Variants in RUFY1 observed in about 807,000 individuals in gnomAD.
The protein encoded by RUFY1 is RUN and FYVE domain-containing protein 1.
A neutral mutation model predicts 94.6 loss-of-function variants in RUFY1; 54 were observed. The observed-to-expected ratio is 0.57, with a 90% CI of 0.46 to 0.72. RUFY1 has a LOEUF of 0.72. RUFY1 is among the 30% of genes least tolerant of loss of function. The pLI, the probability that RUFY1 is intolerant of heterozygous loss-of-function variation, is 0.00. For missense variants in RUFY1, 883 were observed against 883.9 expected (o/e 1.00, Z 0.01); for synonymous variants, 396 against 347.3 (o/e 1.14, Z -1.56).
chr5:179,573,990 A>T (rs1763423211), intron 5 of RUFY1, among the ~76,000 whole-genome samples: 2 of 152,162 alleles, frequency 1.3e-5, no homozygotes, highest in Admixed American at 6.6e-5. Context: ...TGATCATTGT[A>T]AACCCTGGAT....
chr5:179,592,495 A>C lies in RUFY1; in HGVS notation c.1245+754A>C, dbSNP rs556701662. ...TCTTGAACTCCTGACCTCGTGATCC[A>C]CCTGCCTCGGCATCCCAAAGTGCTG... On this transcript the variant is annotated intron_variant, in intron 10 of 17. Coordinates refer to ENST00000319449, the MANE Select transcript of RUFY1 (RefSeq NM_025158.5). Among the ~76,000 whole-genome samples the C allele has an allele frequency of 3.9e-3, 584 of 151,672 alleles. 6 individuals carry two copies. The highest frequency in any genetic ancestry group is 0.013 in the African/African-American group (557 of 41,316).
chr5:179,585,870 G>A lies in RUFY1; in HGVS notation c.1026+5G>A, dbSNP rs1213483304. ...AACTCAAAGCTTCAAGAAGAGGTTT[G>A]TAAGTTTTATTGAAATTTTTAGACA... On this transcript the variant is annotated splice_donor_5th_base_variant and intron_variant, in intron 8 of 17. Coordinates refer to ENST00000319449, the MANE Select transcript of RUFY1 (RefSeq NM_025158.5). 6.2e-7 allele frequency: 1 copy of A among 1,611,134 alleles called. No individual in the cohort carries two copies. The highest frequency in any genetic ancestry group is 1.1e-5 in the South Asian group (1 of 91,022).
intron 7 of RUFY1, among the ~76,000 whole-genome samples, chr5:179,584,007 C>G (rs544707348): frequency 6.6e-6 from 1 of 152,154 alleles, no homozygotes; most frequent in African/African-American, 2.4e-5. Context: ...CTCGGCCTCC[C>G]AAAGTGCTGG....
chr5:179,576,710 C>T (rs1312060093), intron 5 of RUFY1, among the ~76,000 whole-genome samples: 1 of 152,142 alleles, frequency 6.6e-6, no homozygotes, highest in Non-Finnish European at 1.5e-5. Context: ...CGTGAGCCAC[C>T]ACGCCTGGCC....
chr5:179,608,557 C>G, intron 17 of RUFY1: 3 of 985,476 alleles, frequency 3.0e-6, no homozygotes, highest in Non-Finnish European at 3.6e-6. Flanking sequence ...GAGAACGAAC[C>G]AGACTCTTCC....
intron 14 of RUFY1, 68 bp from the exon 15 acceptor site, chr5:179,601,817 CAAAAAAA>C (rs56169514): frequency 1.3e-3 from 694 of 519,258 alleles, no homozygotes; most frequent in Middle Eastern, 3.3e-3. Flanking sequence ...GACCCTGTCT[CAAAAAAA>C]AAAAAAAAAA....
chr5:179,558,572 C>CAA (rs10664309), intron 1 of RUFY1, among the ~76,000 whole-genome samples: 32,677 of 136,866 alleles, frequency 0.24, 4,463 homozygotes, highest in East Asian at 0.64. Context: ...AACAACATCT[C>CAA]AAAAAAAAAA....
intron 5 of RUFY1, chr5:179,572,351 G>A (rs566041811): frequency 4.6e-5 from 9 of 195,874 alleles, no homozygotes; most frequent in Admixed American, 3.8e-4. Context: ...GAGGATTTCC[G>A]CAAGCTGGGC....
chr5:179,581,548 G>A (rs1383726572), intron 7 of RUFY1, among the ~76,000 whole-genome samples: 1 of 149,860 alleles, frequency 6.7e-6, no homozygotes, highest in African/African-American at 2.5e-5. Context: ...CCCTTTCTGA[G>A]TCCCCTCTAG....
intron 15 of RUFY1, 138 bp downstream of exon 15, chr5:179,602,124 C>A: frequency 2.9e-6 from 2 of 681,236 alleles, no homozygotes; most frequent in Middle Eastern, 4.2e-4. Flanking sequence ...CACGGATGAG[C>A]TCTCAGGAAG....
intron 7 of RUFY1, among the ~76,000 whole-genome samples, chr5:179,582,038 G>T (rs924346732): frequency 6.6e-6 from 1 of 151,902 alleles, no homozygotes; most frequent in Non-Finnish European, 1.5e-5. Context: ...TTTTTTGGTC[G>T]ATTACTAGTT....
At chr5:179,571,002 C>G (rs73809474) in intron 5 of RUFY1, among the ~76,000 whole-genome samples, 3 of 152,052 alleles carry the variant, frequency 2.0e-5, no homozygotes, top group Non-Finnish European at 4.4e-5. Context: ...GTGAGATGTT[C>G]GAAGGGTTTC....
intron 6 of RUFY1, among the ~76,000 whole-genome samples, chr5:179,580,477 C>T (rs1316236686): frequency 6.6e-6 from 1 of 151,358 alleles, no homozygotes; most frequent in Non-Finnish European, 1.5e-5. Context: ...CTCCTGACCT[C>T]GTGATCTGCC....
At chr5:179,607,756 A>C in intron 17 of RUFY1, 97 bp downstream of exon 17, 44 of 1,056,758 alleles carry the variant, frequency 4.2e-5, no homozygotes, top group Non-Finnish European at 6.2e-5. Context: ...GAGCAGGCTC[A>C]CTGCCCGGTG....
Position 179,593,621 on chromosome 5 carries a change from T to C in RUFY1, c.1389T>C (p.Asn463=), listed in dbSNP as rs4701135. The C allele has an allele frequency of 0.1, 165,262 of 1,613,782 alleles. 8,869 individuals carry two copies. Among genetic ancestry groups the C allele is most frequent in the Middle Eastern group, 0.13 (797 of 6,062 alleles). The change falls in exon 11 of 18, where the codon AAT becomes AAC. Residue 463 remains asparagine (N), a synonymous_variant. Coordinates refer to ENST00000319449, the MANE Select transcript of RUFY1 (RefSeq NM_025158.5). ...AGCTGGAAGAAGTCAAAGCGATTAA[T>C]TTACAGATGTTTCACAAAGCTCAGG... ...RQQLEEVKAI[N]LQMFHKAQNA... is the part of the protein sequence containing the mutation.
chr5:179,584,158 G>GT (rs536363680), intron 7 of RUFY1, among the ~76,000 whole-genome samples: 20 of 152,150 alleles, frequency 1.3e-4, no homozygotes, highest in Admixed American at 8.5e-4. Context: ...GTATCTTTTG[G>GT]TTTTTTTCCC....
Position 179,562,542 on chromosome 5 carries a change from T to C in RUFY1, c.485-5T>C. 1 of 1,558,824 alleles carries C rather than the reference T, an allele frequency of 6.4e-7. No homozygotes were observed. Among genetic ancestry groups the C allele is most frequent in the Non-Finnish European group, 8.8e-7 (1 of 1,132,482 alleles). On this transcript the variant is annotated splice_region_variant and splice_polypyrimidine_tract_variant and intron_variant, in intron 2 of 17. Coordinates refer to ENST00000319449, the MANE Select transcript of RUFY1 (RefSeq NM_025158.5). ...TATGAATAACACTTTTGTTTTTCCT[T>C]TTAGTTAAGAAGAGTTTTATTGGCC...
intron 1 of RUFY1, among the ~76,000 whole-genome samples, chr5:179,555,996 C>CCAATGAATTG (rs1762100549): frequency 6.6e-6 from 1 of 151,870 alleles, no homozygotes; most frequent in African/African-American, 2.4e-5. Flanking sequence ...CTGCTCCCAG[C>CCAATGAATTG]CGAAAACTTA....
intron 7 of RUFY1, among the ~76,000 whole-genome samples, chr5:179,581,424 G>T (rs1764150784): frequency 6.6e-6 from 1 of 150,534 alleles, no homozygotes; most frequent in African/African-American, 2.4e-5. Context: ...GTGATCACCG[G>T]CATCTTTATC....
Sources: allele counts gnomAD v4.1 joint callset (sites outside exome capture counted in the v4.1 genomes callset), GRCh38; gene constraint gnomAD v4.1.1; transcripts MANE v1.5; gene names NCBI Gene and HGNC (gene_info 2026-07-23, HGNC 2026-07-21).